CPD: variants seen among roughly 807,000 people sequenced by gnomAD.
CPD encodes metallocarboxypeptidase D.
CPD carries 69 observed loss-of-function variants against 138.3 expected under a neutral mutation model. That is an observed-to-expected ratio of 0.50 (90% CI 0.41 to 0.61). The LOEUF is 0.61. Ranked by LOEUF, CPD falls within the 20% of genes least tolerant of loss-of-function variation. CPD has a pLI of 0.00. For synonymous variants in CPD, 651 were observed against 642.1 expected (o/e 1.01, Z -0.21); for missense variants, 1,432 against 1,733.3 (o/e 0.83, Z 3.09).
intron 2 of CPD, among the ~76,000 whole-genome samples, chr17:30,414,018 G>A (rs1912037467): frequency 1.3e-5 from 2 of 152,300 alleles, no homozygotes; most frequent in Middle Eastern, 3.4e-3. Context: ...CAGCAAGGAG[G>A]CCATGTGTCT....
chr17:30,447,133 C>G (rs1426202401), intron 12 of CPD, among the ~76,000 whole-genome samples: 1 of 152,170 alleles, frequency 6.6e-6, no homozygotes, highest in Non-Finnish European at 1.5e-5. Context: ...GTTGCCTGTT[C>G]ACTCTGATGG....
intron 2 of CPD, among the ~76,000 whole-genome samples, chr17:30,417,043 A>C (rs1180768004): frequency 6.6e-6 from 1 of 151,430 alleles, no homozygotes; most frequent in Non-Finnish European, 1.5e-5. Flanking sequence ...TGGAGGTTGC[A>C]GTGAGCCGAG....
intron 7 of CPD, among the ~76,000 whole-genome samples, chr17:30,428,527 T>A (rs1912481967): frequency 6.6e-6 from 1 of 152,244 alleles, no homozygotes; most frequent in Non-Finnish European, 1.5e-5. Flanking sequence ...CAAGTGCTGA[T>A]ACATGCTACA....
chr17:30,428,431 A>G (rs527874193), intron 7 of CPD, among the ~76,000 whole-genome samples: 1 of 152,356 alleles, frequency 6.6e-6, no homozygotes, highest in East Asian at 1.9e-4. Context: ...AAAAGTTGAA[A>G]CAACCCAAAC....
rs1190957641 is a variant in CPD, at chr17:30,427,572, A to G, written c.2017+14A>G. 3.7e-5 allele frequency: 60 copies of G among 1,610,256 alleles called. No homozygotes were observed. The highest frequency in any genetic ancestry group is 4.7e-5 in the Non-Finnish European group (55 of 1,176,864). The stretch of plus-strand genomic sequence containing the variant: ...ACCTGCATGGAGGTATGGCAACTTT[A>G]TATTCTACTAATCAGTTCTTGTTGA... On this transcript the variant is annotated intron_variant, in intron 7 of 20. Transcript: ENST00000225719.
At chr17:30,447,409 T>C (rs1913060251) in intron 12 of CPD, among the ~76,000 whole-genome samples, 1 of 152,216 alleles carries the variant, frequency 6.6e-6, no homozygotes, top group Admixed American at 6.5e-5. Context: ...TTGGGAACTT[T>C]AAGGAGAATT....
intron 18 of CPD, among the ~76,000 whole-genome samples, chr17:30,461,632 A>G (rs972272753): frequency 1.3e-5 from 2 of 152,218 alleles, no homozygotes; most frequent in Admixed American, 1.3e-4. Flanking sequence ...GCTTCAGGCT[A>G]TGACAATATC....
intron 6 of CPD, among the ~76,000 whole-genome samples, chr17:30,425,937 A>T (rs1912393957): frequency 6.6e-6 from 1 of 152,140 alleles, no homozygotes; most frequent in South Asian, 2.1e-4. Flanking sequence ...GCTGTGGCTC[A>T]CGCCTGTCAT....
At chr17:30,422,427 AT>A (rs1912289616) in intron 4 of CPD, among the ~76,000 whole-genome samples, 1 of 152,008 alleles carries the variant, frequency 6.6e-6, no homozygotes, top group Non-Finnish European at 1.5e-5. Context: ...TTTGAGTGTA[AT>A]TTTTTTGGTA....
At chr17:30,413,097 A>G (rs1007310637) in intron 2 of CPD, among the ~76,000 whole-genome samples, 8 of 152,210 alleles carry the variant, frequency 5.3e-5, no homozygotes, top group South Asian at 2.1e-4. Flanking sequence ...GGATGGAAGT[A>G]TATCTGTTGT....
At chr17:30,442,507 C>T (rs185822513) in intron 10 of CPD, 57 bp downstream of exon 10, 27 of 1,559,078 alleles carry the variant, frequency 1.7e-5, no homozygotes, top group Non-Finnish European at 2.0e-5. Flanking sequence ...GATTTTTGTG[C>T]GTACACGTGG....
At position 30,379,715 on chromosome 17, in the gene CPD, C is replaced by T; in HGVS notation, c.735C>T (p.Ile245=). The T allele has an allele frequency of 6.7e-7, 1 of 1,494,722 alleles. No homozygotes were observed. Among genetic ancestry groups the T allele is most frequent in the South Asian group, 1.3e-5 (1 of 76,464 alleles). 92.6% of individuals were successfully genotyped at this position (1,494,722 alleles called of 1,614,324 possible). Reference sequence around the variant, plus strand: ...AGGTGCGCGCCCTCATCGAGTGGATCCGCAGGAACAAGTGAGTGTTGCCTG... The same window carrying T: ...AGGTGCGCGCCCTCATCGAGTGGATTCGCAGGAACAAGTGAGTGTTGCCTG... The part of the protein sequence containing the change: ...VPEVRALIEW[I]RRNKFVLSGN... The change falls in exon 1 of 21, where the codon ATC becomes ATT. Residue 245 remains isoleucine (I), a synonymous_variant. Coordinates refer to ENST00000225719, the MANE Select transcript of CPD (RefSeq NM_001304.5). This position sits in a 1 kb window ranked among gnomAD's most constrained non-coding sequence, Gnocchi z 7.0.
intron 11 of CPD, among the ~76,000 whole-genome samples, chr17:30,445,122 G>A (rs1912991631): frequency 6.6e-6 from 1 of 152,030 alleles, no homozygotes; most frequent in African/African-American, 2.4e-5. Flanking sequence ...AGGAGACATG[G>A]GAGTATCCAC....
chr17:30,465,017 ATC>A lies in CPD; in HGVS notation c.*205_*206del. On this transcript the variant is annotated 3_prime_UTR_variant, in exon 21 of 21. Coordinates refer to ENST00000225719, the MANE Select transcript of CPD (RefSeq NM_001304.5). ...AAGTACTCTAAACCTTTAAAAAAAA[ATC>A]TGATTTATGCAGCAGAGATGGGACA... 1 of 542,482 alleles carries A rather than the reference ATC, an allele frequency of 1.8e-6. No individual in the cohort carries two copies. The highest frequency in any genetic ancestry group is 3.3e-6 in the Non-Finnish European group (1 of 303,568). 33.6% of individuals were successfully genotyped at this position (542,482 alleles called of 1,614,324 possible). A position where few individuals can be genotyped will look rare whatever the true frequency, so the allele number is the denominator to read the frequency against.
At chr17:30,383,480 C>T (rs1054517095) in intron 1 of CPD, among the ~76,000 whole-genome samples, 11 of 152,194 alleles carry the variant, frequency 7.2e-5, no homozygotes, top group African/African-American at 2.4e-4. Context: ...TCTCCAAAGC[C>T]TGTGCCATTG....
At chr17:30,417,922 G>A (rs1275506055) in intron 2 of CPD, among the ~76,000 whole-genome samples, 3 of 152,050 alleles carry the variant, frequency 2.0e-5, no homozygotes, top group Non-Finnish European at 4.4e-5. Flanking sequence ...CATCCCTGCA[G>A]CTCTGTGCTG....
At chr17:30,424,911 T>A (rs1912362968) in intron 6 of CPD, among the ~76,000 whole-genome samples, 3 of 152,218 alleles carry the variant, frequency 2.0e-5, no homozygotes, top group South Asian at 4.1e-4. Flanking sequence ...GGTCATTAGT[T>A]GGTCATTAGT....
chr17:30,457,498 G>C (rs1913331764), intron 17 of CPD, among the ~76,000 whole-genome samples: 1 of 152,166 alleles, frequency 6.6e-6, no homozygotes, highest in Non-Finnish European at 1.5e-5. Flanking sequence ...CTTTGGGGTA[G>C]ATACCTAGGA....
Position 30,467,964 on chromosome 17 carries a change from A to G in CPD, c.*3150A>G, listed in dbSNP as rs906516869. The G allele has an allele frequency of 6.6e-6, 1 of 152,132 alleles. No individual in the cohort carries two copies. Among genetic ancestry groups the G allele is most frequent in the African/African-American group, 2.4e-5 (1 of 41,448 alleles). 9.4% of individuals were successfully genotyped at this position (152,132 alleles called of 1,614,324 possible). A position where few individuals can be genotyped will look rare whatever the true frequency, so the allele number is the denominator to read the frequency against. On this transcript the variant is annotated 3_prime_UTR_variant, in exon 21 of 21. Transcript: ENST00000225719. ...TTTTATTGTTATTACCAAAAATTCC[A>G]CTATGATTGATGTTCAGTGATTTTC...
Sources: gnomAD v4.1 joint callset for allele counts (sites outside exome capture counted in the v4.1 genomes callset) on GRCh38, gnomAD v4.1.1 for gene constraint, Gnocchi (gnomAD v3.1) non-coding constraint, MANE v1.5 for transcripts, NCBI Gene and HGNC (gene_info 2026-07-23, HGNC 2026-07-21) for gene names.